Variants in ADGRB3 observed in about 807,000 individuals in gnomAD.
ADGRB3 encodes the protein brain-specific angiogenesis inhibitor 3.
In ADGRB3, 37 loss-of-function variants were observed where a neutral mutation model predicts 193.4. The ratio of observed to expected loss-of-function variants is 0.19; its 90% confidence interval spans 0.15 to 0.25. The LOEUF is 0.25. ADGRB3 is among the 10% of genes least tolerant of loss of function. The pLI is 1.00. For synonymous variants in ADGRB3, 690 were observed against 644.2 expected, an observed-to-expected ratio of 1.07 and a Z score of -1.08; for missense variants, 1,637 against 1,852.9, an observed-to-expected ratio of 0.88 and a Z score of 2.14.
rs554953920 is a variant in ADGRB3, at chr6:69,034,675, AAGAC to A, written c.2108-13506_2108-13503del. On this transcript the variant is annotated intron_variant, in intron 13 of 31. Coordinates refer to ENST00000370598, the MANE Select transcript of ADGRB3 (RefSeq NM_001704.3). ...AGAGACAGAGAGAGAGACAGAGAGG[AAGAC>A]AGAGAGAGAGTGAGAGAGAGAACAA... Among the ~76,000 whole-genome samples the A allele has an allele frequency of 1.4e-3, 213 of 149,724 alleles. 1 individual carries two copies. The highest frequency in any genetic ancestry group is 5.2e-3 in the African/African-American group (209 of 40,556).
chr6:69,282,337 T>TA (rs1323975413), intron 20 of ADGRB3, among the ~76,000 whole-genome samples: 3 of 151,860 alleles, frequency 2.0e-5, no homozygotes, highest in Non-Finnish European at 4.4e-5. Flanking sequence ...AGACACCAAA[T>TA]AAAAAAAGCA....
intron 11 of ADGRB3, among the ~76,000 whole-genome samples, chr6:69,000,433 G>C (rs9360369): frequency 0.1 from 15,380 of 152,104 alleles, 1,540 homozygotes; most frequent in East Asian, 0.53. Flanking sequence ...CACTAACATT[G>C]AACTCATAGC....
intron 20 of ADGRB3, among the ~76,000 whole-genome samples, chr6:69,264,635 G>T (rs900723448): frequency 1.3e-5 from 2 of 151,360 alleles, no homozygotes; most frequent in African/African-American, 4.9e-5. Flanking sequence ...CTCGCTCTAG[G>T]TCTTCTCAGA....
intron 3 of ADGRB3, among the ~76,000 whole-genome samples, chr6:68,812,941 T>C (rs1427415212): frequency 3.9e-5 from 6 of 152,046 alleles, no homozygotes; most frequent in African/African-American, 1.4e-4. Context: ...TTTCTGTCTT[T>C]GTGTTAGTTT....
intron 3 of ADGRB3, among the ~76,000 whole-genome samples, chr6:68,866,208 C>T (rs1365511356): frequency 6.6e-6 from 1 of 152,134 alleles, no homozygotes; most frequent in Non-Finnish European, 1.5e-5. Flanking sequence ...AGGGAGGGAC[C>T]TGGTAGGAGG....
intron 3 of ADGRB3, among the ~76,000 whole-genome samples, chr6:68,813,036 C>T (rs981704636): frequency 6.6e-6 from 1 of 152,128 alleles, no homozygotes; most frequent in Admixed American, 6.6e-5. Flanking sequence ...CAAATCTCAA[C>T]GTGAAGTGTA....
chr6:69,156,215 T>G (rs314209), intron 17 of ADGRB3, among the ~76,000 whole-genome samples: 147,414 of 152,272 alleles, frequency 0.97, 71,539 homozygotes, highest in East Asian at 1. Context: ...TCGAATTAAT[T>G]AGCAAGATAA....
At chr6:68,750,895 C>G (rs1055154308) in intron 3 of ADGRB3, among the ~76,000 whole-genome samples, 2 of 152,190 alleles carry the variant, frequency 1.3e-5, no homozygotes, top group African/African-American at 4.8e-5. Flanking sequence ...AGCTAGTCCT[C>G]TTTTAGGTTT....
At chr6:69,228,960 C>G (rs956057795) in intron 17 of ADGRB3, among the ~76,000 whole-genome samples, 1 of 152,134 alleles carries the variant, frequency 6.6e-6, no homozygotes, top group Non-Finnish European at 1.5e-5. Context: ...ACACTAAAAT[C>G]ATCTGAAGGA....
chr6:69,041,059 C>G (rs1249120501), intron 13 of ADGRB3, among the ~76,000 whole-genome samples: 1 of 151,558 alleles, frequency 6.6e-6, no homozygotes, highest in Non-Finnish European at 1.5e-5. Flanking sequence ...TGTTAGAACT[C>G]TCTCGGGCAC....
intron 17 of ADGRB3, among the ~76,000 whole-genome samples, chr6:69,210,389 T>C (rs1379082947): frequency 6.6e-6 from 1 of 151,788 alleles, no homozygotes; most frequent in Non-Finnish European, 1.5e-5. Flanking sequence ...ATTCTAGCTG[T>C]CATGGCAACT....
At chr6:68,682,945 T>C (rs1039550416) in intron 3 of ADGRB3, among the ~76,000 whole-genome samples, 50 of 151,966 alleles carry the variant, frequency 3.3e-4, no homozygotes, top group Admixed American at 3.9e-4. Flanking sequence ...GCCTGACTAA[T>C]TTTTGTATTC....
intron 3 of ADGRB3, among the ~76,000 whole-genome samples, chr6:68,877,026 A>T (rs1452104817): frequency 6.6e-6 from 1 of 152,066 alleles, no homozygotes; most frequent in Admixed American, 6.6e-5. Flanking sequence ...AACACATCTT[A>T]TAAATCATCT....
chr6:69,217,907 T>TA (rs146088732), intron 17 of ADGRB3, among the ~76,000 whole-genome samples: 21,359 of 151,546 alleles, frequency 0.14, 1,552 homozygotes, highest in Middle Eastern at 0.16. Context: ...TATTCAGTTT[T>TA]AAAAAAAACT....
chr6:69,198,329 T>G (rs1283278214), intron 17 of ADGRB3, among the ~76,000 whole-genome samples: 1 of 151,966 alleles, frequency 6.6e-6, no homozygotes, highest in Admixed American at 6.6e-5. Context: ...AATAAAGGGA[T>G]GAATGAGACT....
intron 20 of ADGRB3, among the ~76,000 whole-genome samples, chr6:69,276,987 T>C (rs974826180): frequency 6.6e-6 from 1 of 151,038 alleles, no homozygotes; most frequent in Non-Finnish European, 1.5e-5. Flanking sequence ...ACTATAGTCT[T>C]TCTTTTTTTT....
intron 6 of ADGRB3, among the ~76,000 whole-genome samples, chr6:68,944,697 T>G (rs913992489): frequency 2.6e-5 from 4 of 152,102 alleles, no homozygotes; most frequent in African/African-American, 9.7e-5. Flanking sequence ...TATTCCAACA[T>G]CAAACAAATT....
chr6:69,075,314 A>G (rs544092985), intron 16 of ADGRB3, among the ~76,000 whole-genome samples: 42 of 152,348 alleles, frequency 2.8e-4, no homozygotes, highest in African/African-American at 9.1e-4. Context: ...ATCTAAATAC[A>G]TTAGAACTCT....
At chr6:68,903,988 A>G (rs2150234259) in intron 3 of ADGRB3, among the ~76,000 whole-genome samples, 1 of 117,310 alleles carries the variant, frequency 8.5e-6, no homozygotes, top group South Asian at 3.2e-4. Flanking sequence ...AAGCAAGACA[A>G]TATGAAAAAA....
Sources: gnomAD v4.1 joint callset for allele counts (sites outside exome capture counted in the v4.1 genomes callset) on GRCh38, gnomAD v4.1.1 for gene constraint, MANE v1.5 for transcripts, NCBI Gene and HGNC (gene_info 2026-07-23, HGNC 2026-07-21) for gene names.